Variants in FSTL4 observed in about 807,000 individuals in gnomAD.
The protein encoded by FSTL4 is follistatin-related protein 4.
Under a neutral mutation model 78.2 loss-of-function variants are expected in FSTL4, and 28 were observed. The ratio of observed to expected loss-of-function variants is 0.36; its 90% confidence interval spans 0.27 to 0.49. The LOEUF (loss-of-function observed/expected upper bound fraction) is 0.49. Among genes scored for constraint, FSTL4 ranks in the 20% least tolerant of loss-of-function variants. The pLI is 0.98. For missense variants in FSTL4, 922 were observed against 1,084.9 expected (o/e 0.85, Z 2.11); for synonymous variants, 422 against 440.5 (o/e 0.96, Z 0.53).
At chr5:133,453,132 C>T (rs1757415374) in intron 3 of FSTL4, among the ~76,000 whole-genome samples, 1 of 152,186 alleles carries the variant, frequency 6.6e-6, no homozygotes. Context: ...GTGTGCCATA[C>T]TGTATCTTCT....
intron 2 of FSTL4, among the ~76,000 whole-genome samples, chr5:133,582,846 A>G (rs1255621010): frequency 6.6e-6 from 1 of 152,100 alleles, no homozygotes; most frequent in Non-Finnish European, 1.5e-5. Context: ...TCCCTGGGCT[A>G]TCCCTGTCCT....
chr5:133,303,629 T>C (rs563696532), intron 6 of FSTL4, among the ~76,000 whole-genome samples: 11 of 152,298 alleles, frequency 7.2e-5, no homozygotes, highest in African/African-American at 2.6e-4. Flanking sequence ...ACACAGCTTG[T>C]TCCCGTGCAG....
chr5:133,746,485 T>C, the FSTL4 span, among the ~76,000 whole-genome samples: 1 of 152,280 alleles, frequency 6.6e-6, no homozygotes, highest in African/African-American at 2.4e-5. Flanking sequence ...GTCTTCCGAA[T>C]CTGGAAAAGT....
At chr5:133,495,921 GAAGT>G (rs765177012) in intron 3 of FSTL4, among the ~76,000 whole-genome samples, 3 of 152,218 alleles carry the variant, frequency 2.0e-5, no homozygotes, top group East Asian at 1.9e-4. Context: ...TTCCTCCACT[GAAGT>G]AAGTAAGAGC....
the FSTL4 span, among the ~76,000 whole-genome samples, chr5:133,782,913 G>A: frequency 3.3e-5 from 5 of 152,194 alleles, no homozygotes; most frequent in African/African-American, 1.2e-4. Context: ...TGGGAGGGAG[G>A]AGGAACCCTG....
At chr5:133,576,732 G>A (rs189274210) in intron 2 of FSTL4, among the ~76,000 whole-genome samples, 47 of 152,292 alleles carry the variant, frequency 3.1e-4, no homozygotes, top group Admixed American at 2.3e-3. Flanking sequence ...GGAAGCCCAC[G>A]TGTCCAATTT....
intron 6 of FSTL4, among the ~76,000 whole-genome samples, chr5:133,290,212 C>T (rs1753227034): frequency 6.6e-6 from 1 of 152,220 alleles, no homozygotes; most frequent in Non-Finnish European, 1.5e-5. Flanking sequence ...GAATAAACAA[C>T]AGGGAATTTT....
At chr5:133,222,976 C>G (rs1751194766) in intron 11 of FSTL4, among the ~76,000 whole-genome samples, 1 of 152,352 alleles carries the variant, frequency 6.6e-6, no homozygotes, top group Middle Eastern at 3.4e-3. Flanking sequence ...TACCTACCAA[C>G]CCTATGCCCC....
At chr5:133,567,976 C>T (rs977348601) in intron 2 of FSTL4, among the ~76,000 whole-genome samples, 7 of 152,314 alleles carry the variant, frequency 4.6e-5, no homozygotes, top group Admixed American at 1.3e-4. Flanking sequence ...CAGCATTTCA[C>T]ATTCCAGTTG....
At chr5:133,706,935 G>A in the FSTL4 span, among the ~76,000 whole-genome samples, 4 of 152,174 alleles carry the variant, frequency 2.6e-5, no homozygotes, top group Middle Eastern at 3.2e-3. Flanking sequence ...GCTCTCGGGA[G>A]GCCACAGCCC....
chr5:133,384,114 T>C (rs1206583865), intron 4 of FSTL4, among the ~76,000 whole-genome samples: 1 of 152,222 alleles, frequency 6.6e-6, no homozygotes, highest in African/African-American at 2.4e-5. Context: ...TAAAGACTTC[T>C]GGAATCAAGC....
chr5:133,266,662 G>C (rs1221261168), intron 6 of FSTL4: 1 of 152,314 alleles, frequency 6.6e-6, no homozygotes, highest in Non-Finnish European at 1.5e-5. Flanking sequence ...TGATTAAGGA[G>C]TGGGGGAGTC....
chr5:133,696,988 C>T, the FSTL4 span, among the ~76,000 whole-genome samples: 2 of 152,212 alleles, frequency 1.3e-5, no homozygotes, highest in Non-Finnish European at 2.9e-5. Flanking sequence ...GTCCTTGGAC[C>T]AGACAATGCA....
intron 4 of FSTL4, among the ~76,000 whole-genome samples, chr5:133,376,314 G>C (rs1299544866): frequency 6.6e-6 from 1 of 152,138 alleles, no homozygotes; most frequent in Non-Finnish European, 1.5e-5. Context: ...AGATCTCTGG[G>C]GGAACAGATA....
intron 3 of FSTL4, among the ~76,000 whole-genome samples, chr5:133,469,064 A>ATC (rs1373839235): frequency 6.6e-6 from 1 of 152,254 alleles, no homozygotes; most frequent in Non-Finnish European, 1.5e-5. Flanking sequence ...AAGTCAGTGC[A>ATC]TCTCAAGCTG....
At chr5:133,460,648 T>C (rs1004308988) in intron 3 of FSTL4, among the ~76,000 whole-genome samples, 7 of 152,164 alleles carry the variant, frequency 4.6e-5, no homozygotes, top group African/African-American at 1.7e-4. Context: ...ACCTAGGGGA[T>C]CTGATTGTCT....
intron 1 of FSTL4, among the ~76,000 whole-genome samples, chr5:133,610,587 G>T (rs987679755): frequency 6.6e-5 from 10 of 152,160 alleles, no homozygotes; most frequent in African/African-American, 2.4e-4. Flanking sequence ...TCGTATGTCC[G>T]GCTTGAGCTC....
chr5:133,348,112 T>C (rs986175396), intron 4 of FSTL4, among the ~76,000 whole-genome samples: 1 of 152,244 alleles, frequency 6.6e-6, no homozygotes, highest in Non-Finnish European at 1.5e-5. Flanking sequence ...CTGAATGTTA[T>C]GGTCTCAGAG....
chr5:133,795,763 G>A, the FSTL4 span, among the ~76,000 whole-genome samples: 9 of 152,230 alleles, frequency 5.9e-5, no homozygotes, highest in Non-Finnish European at 8.8e-5. Context: ...CACAGGAGCC[G>A]AGTCTCTGTG....
Sources: gnomAD v4.1 joint callset for allele counts (sites outside exome capture counted in the v4.1 genomes callset) on GRCh38, gnomAD v4.1.1 for gene constraint, MANE v1.5 for transcripts, NCBI Gene and HGNC (gene_info 2026-07-23, HGNC 2026-07-21) for gene names.